Variants in SLC9C1 observed in about 807,000 individuals in gnomAD.
SLC9C1 encodes the protein sodium/hydrogen exchanger 10.
SLC9C1 carries 97 observed loss-of-function variants against 140.9 expected under a neutral mutation model. That is an observed-to-expected ratio of 0.69 (90% CI 0.58 to 0.82). The LOEUF is 0.82. Among genes scored for constraint, SLC9C1 ranks in the 40% least tolerant of loss-of-function variants. SLC9C1 has a pLI of 0.00. For synonymous variants in SLC9C1, 440 were observed against 442.6 expected (o/e 0.99, Z 0.07); for missense variants, 1,340 against 1,389.3 (o/e 0.96, Z 0.56).
chr3:112,217,114 CA>C (rs2078398225), intron 15 of SLC9C1, among the ~76,000 whole-genome samples: 1 of 152,054 alleles, frequency 6.6e-6, no homozygotes, highest in African/African-American at 2.4e-5. Context: ...GACGAAAAAC[CA>C]AACACCACAT....
intron 28 of SLC9C1, among the ~76,000 whole-genome samples, chr3:112,143,142 G>A (rs960499291): frequency 6.6e-6 from 1 of 152,060 alleles, no homozygotes; most frequent in African/African-American, 2.4e-5. Flanking sequence ...CCACTGATGA[G>A]CACCTAGGTT....
At chr3:112,259,955 T>G in intron 10 of SLC9C1, among the ~76,000 whole-genome samples, 1 of 152,168 alleles carries the variant, frequency 6.6e-6, no homozygotes, top group Non-Finnish European at 1.5e-5. Context: ...GATTTTACAT[T>G]TTGTAAAATG....
At chr3:112,185,247 C>T (rs1017412544) in intron 20 of SLC9C1, among the ~76,000 whole-genome samples, 1 of 151,242 alleles carries the variant, frequency 6.6e-6, no homozygotes, top group African/African-American at 2.4e-5. Flanking sequence ...GTAGGCCAAA[C>T]TCTGGGGGAT....
chr3:112,239,974 A>C lies in SLC9C1; in HGVS notation c.1312T>G (p.Ser438Ala). Residue 438 changes from serine (S) to alanine (A), a missense_variant, in exon 12 of 29, where the codon TCG becomes GCG. Transcript: ENST00000305815. The stretch of plus-strand genomic sequence containing the variant: ...AAGTGTTGAAATGTGCAACAAACCG[A>C]TTTATATTTTGTTGATGTGGCATCA... Reference protein sequence around the residue: ...LRDATSTKYKSVCCTFQHFQE... With the variant: ...LRDATSTKYKAVCCTFQHFQE... 6.2e-7 allele frequency: 1 copy of C among 1,612,332 alleles called. No individual in the cohort carries two copies. Among genetic ancestry groups the C allele is most frequent in the Non-Finnish European group, 8.5e-7 (1 of 1,179,498 alleles).
In SLC9C1 at chr3:112,267,379, C is replaced by A. The variant is rs1228054228; in HGVS notation, c.776-1039G>T. On this transcript the variant is annotated intron_variant, in intron 7 of 28. Coordinates refer to ENST00000305815, the MANE Select transcript of SLC9C1 (RefSeq NM_183061.3). ...ATCATGAGGTCAGGAGATTGAGACC[C>A]TCCTGGCTAACATGGTGAAACCCCA... Among the ~76,000 whole-genome samples the A allele has an allele frequency of 4.6e-5, 7 of 151,658 alleles. No homozygotes were observed. The East Asian group carries it at 1.2e-3, about 25-fold the overall frequency.
At chr3:112,216,559 C>T (rs1272076258) in intron 15 of SLC9C1, among the ~76,000 whole-genome samples, 1 of 151,542 alleles carries the variant, frequency 6.6e-6, no homozygotes, top group Non-Finnish European at 1.5e-5. Context: ...TATGAACAGA[C>T]ACTTCTCAAA....
At chr3:112,204,163 G>A (rs2077979687) in intron 17 of SLC9C1, 55 bp downstream of exon 17, 2 of 1,376,480 alleles carry the variant, frequency 1.5e-6, no homozygotes, top group African/African-American at 3.0e-5. Context: ...TTTACTCTAT[G>A]TTTTATGAAA....
chr3:112,289,809 A>T (rs1176230084), intron 1 of SLC9C1, among the ~76,000 whole-genome samples: 2 of 152,204 alleles, frequency 1.3e-5, no homozygotes, highest in African/African-American at 4.8e-5. Flanking sequence ...AGACCTGAAG[A>T]TCTCGAATGT....
chr3:112,284,501 T>TAGA (rs2080447950), intron 2 of SLC9C1, among the ~76,000 whole-genome samples: 1 of 152,218 alleles, frequency 6.6e-6, no homozygotes, highest in South Asian at 2.1e-4. Flanking sequence ...AAGCTTCAGA[T>TAGA]AGAATGTTAC....
intron 6 of SLC9C1, among the ~76,000 whole-genome samples, chr3:112,270,306 G>T (rs991457113): frequency 1.3e-5 from 2 of 152,126 alleles, no homozygotes; most frequent in Non-Finnish European, 2.9e-5. Flanking sequence ...TTAGTTTTTT[G>T]AGGAACTTCC....
rs1264751944 is a variant in SLC9C1 at position 112,180,655 on chromosome 3, G to T, written c.2657C>A (p.Ala886Asp). The T allele has an allele frequency of 1.2e-6, 2 of 1,611,562 alleles. No individual in the cohort carries two copies. Among genetic ancestry groups the T allele is most frequent in the African/African-American group, 2.7e-5 (2 of 74,864 alleles). The change falls in exon 22 of 29, where the codon GCC (alanine) becomes GAC (aspartate). Residue 886 changes from alanine (A) to aspartate (D), a missense_variant. By Grantham distance (126) the Ala-to-Asp change is moderately radical (BLOSUM62 -2). Coordinates refer to ENST00000305815, the MANE Select transcript of SLC9C1 (RefSeq NM_183061.3). Reference sequence around the variant, plus strand: ...TCCACAATCAAATGTTACAACTTTGGCTTTTTCCTAAAAGATACCACCAAA... The same window carrying T: ...TCCACAATCAAATGTTACAACTTTGTCTTTTTCCTAAAAGATACCACCAAA... The part of the protein sequence containing the change: ...KDYINFIQEK[A>D]KVVTFDCGND...
At chr3:112,187,767 G>T (rs141647113) in intron 20 of SLC9C1, among the ~76,000 whole-genome samples, 1 of 151,664 alleles carries the variant, frequency 6.6e-6, no homozygotes, top group African/African-American at 2.4e-5. Flanking sequence ...CTTCCACATG[G>T]GGCAATACGA....
intron 12 of SLC9C1, among the ~76,000 whole-genome samples, chr3:112,236,354 C>G (rs928178015): frequency 3.9e-5 from 6 of 151,982 alleles, no homozygotes; most frequent in African/African-American, 1.5e-4. Context: ...TTTGGTTCTT[C>G]TCTCTTTTCT....
chr3:112,144,926 C>T (rs780545831), intron 28 of SLC9C1, among the ~76,000 whole-genome samples: 1 of 151,966 alleles, frequency 6.6e-6, no homozygotes, highest in Non-Finnish European at 1.5e-5. Context: ...TTTTGGATGA[C>T]TTTATTTCTT....
chr3:112,165,748 T>C (rs771773009), intron 26 of SLC9C1, among the ~76,000 whole-genome samples: 7 of 152,184 alleles, frequency 4.6e-5, no homozygotes, highest in Non-Finnish European at 8.8e-5. Flanking sequence ...GTTTGTCCAT[T>C]CTCAGATGTC....
rs143194005 is a variant in SLC9C1 at position 112,150,899 on chromosome 3, G to A, written c.3524+958C>T. ...GTTGCCCAGGCTGGAGTGCAATGGCGTGATCTCGGCTCACTGCAACCTCCG... is the reference window on the plus strand; with the variant it reads ...GTTGCCCAGGCTGGAGTGCAATGGCATGATCTCGGCTCACTGCAACCTCCG... On this transcript the variant is annotated intron_variant, in intron 28 of 28. Coordinates refer to ENST00000305815, the MANE Select transcript of SLC9C1 (RefSeq NM_183061.3). Among the ~76,000 whole-genome samples, 1,078 of 147,248 alleles carry A rather than the reference G, an allele frequency of 7.3e-3. 6 individuals are homozygous for A. The highest frequency in any genetic ancestry group is 0.035 in the Middle Eastern group (10 of 282).
At chr3:112,168,761 A>G (rs992429453) in intron 25 of SLC9C1, 116 bp downstream of exon 25, 67 of 995,338 alleles carry the variant, frequency 6.7e-5, no homozygotes, top group Non-Finnish European at 9.5e-5. Flanking sequence ...GTGGTGGGAA[A>G]AGGGAGAAGA....
chr3:112,171,892 C>A (rs1031407142), intron 23 of SLC9C1, among the ~76,000 whole-genome samples: 1 of 152,024 alleles, frequency 6.6e-6, no homozygotes, highest in African/African-American at 2.4e-5. Flanking sequence ...ATAATTTGAT[C>A]CTTTGTCAAA....
At chr3:112,142,890 T>G (rs1277027729) in intron 28 of SLC9C1, among the ~76,000 whole-genome samples, 1 of 145,348 alleles carries the variant, frequency 6.9e-6, no homozygotes, top group Non-Finnish European at 1.5e-5. Context: ...CCTCCCTCCC[T>G]GCCCTCTGTA....
Sources: allele counts gnomAD v4.1 joint callset (sites outside exome capture counted in the v4.1 genomes callset), GRCh38; gene constraint gnomAD v4.1.1; transcripts MANE v1.5; gene names NCBI Gene and HGNC (gene_info 2026-07-23, HGNC 2026-07-21).